Variants in UBA6 observed in about 807,000 individuals in gnomAD.
The protein encoded by UBA6 is ubiquitin like modifier activating enzyme 6, also known as ubiquitin-like modifier-activating enzyme 6.
Under a neutral mutation model 148.3 loss-of-function variants are expected in UBA6, and 87 were observed. The ratio of observed to expected loss-of-function variants is 0.59; its 90% CI spans 0.49 to 0.70. The LOEUF (loss-of-function observed/expected upper bound fraction) is 0.70, where lower values mean the gene tolerates loss of function less well. Among genes scored for constraint, UBA6 ranks in the 30% least tolerant of loss-of-function variants. The pLI is 0.00. For synonymous variants in UBA6, 376 were observed against 401.0 expected (o/e 0.94, Z 0.75); for missense variants, 1,186 against 1,241.2 (o/e 0.96, Z 0.67).
At chr4:67,663,330 TACTGTTATTAACTCTATTTA>T in intron 11 of UBA6, 115 bp from the exon 12 acceptor site, 1 of 653,716 alleles carries the variant, frequency 1.5e-6, no homozygotes, top group Non-Finnish European at 2.7e-6. Context: ...ATTAGCTTAA[TACTGTTATTAACTCTATTTA>T]ACAAATAAGA....
chr4:67,634,404 A>G (rs1466982739), intron 21 of UBA6, 25 bp downstream of exon 21: 12 of 1,561,708 alleles, frequency 7.7e-6, no homozygotes, highest in African/African-American at 2.8e-5. Context: ...CTTCAAAGAA[A>G]ATAAATTTAA....
intron 6 of UBA6, 38 bp from the exon 7 acceptor site, chr4:67,673,815 A>C: frequency 1.4e-6 from 2 of 1,449,346 alleles, no homozygotes; most frequent in Non-Finnish European, 1.9e-6. Flanking sequence ...TAGAAAATAC[A>C]TAATTATTTT....
chr4:67,622,198 T>TAGCTTTCTTTGG (rs1344396162), intron 32 of UBA6, among the ~76,000 whole-genome samples: 5 of 152,258 alleles, frequency 3.3e-5, no homozygotes, highest in Non-Finnish European at 7.3e-5. Context: ...ATAAAGACTT[T>TAGCTTTCTTTGG]AGCTTTCTTT....
intron 2 of UBA6, among the ~76,000 whole-genome samples, chr4:67,685,660 A>G (rs1730539859): frequency 6.6e-6 from 1 of 152,166 alleles, no homozygotes. Flanking sequence ...GGTGTTGCCT[A>G]GTGGGAGGTG....
At chr4:67,648,429 T>C (rs1232780915) in intron 14 of UBA6, among the ~76,000 whole-genome samples, 2 of 149,150 alleles carry the variant, frequency 1.3e-5, no homozygotes, top group African/African-American at 2.5e-5. Flanking sequence ...CATCGCGCCA[T>C]TGCACTCCAG....
chr4:67,686,910 C>T lies in UBA6; in HGVS notation c.135-4697G>A, dbSNP rs372541014. Among the ~76,000 whole-genome samples, 13 of 122,456 alleles carry T rather than the reference C, an allele frequency of 1.1e-4. No individual in the cohort carries two copies. In the East Asian group the frequency reaches 1.4e-3, roughly 13 times the overall value. The allele number at this position is 122,456 out of a possible 152,430, so 80.3% of individuals were successfully genotyped here. A position where few individuals can be genotyped will look rare whatever the true frequency, so the allele number is the denominator to read the frequency against. Reference sequence around the variant, plus strand: ...TTGAGGTTACAGAGAGCTATGATCACGCCACTGCCCCCAAGCCTGGGCAAC... The same window carrying T: ...TTGAGGTTACAGAGAGCTATGATCATGCCACTGCCCCCAAGCCTGGGCAAC... On this transcript the variant is annotated intron_variant, in intron 2 of 32. Transcript: ENST00000322244.
intron 27 of UBA6, among the ~76,000 whole-genome samples, chr4:67,627,897 C>T (rs985008403): frequency 2.0e-5 from 3 of 150,214 alleles, no homozygotes; most frequent in African/African-American, 7.3e-5. Flanking sequence ...ATTTACATTG[C>T]CTAAATTTCA....
At position 67,639,144 on chromosome 4, in the gene UBA6, A is replaced by C; in HGVS notation, c.1555-20T>G. ...AGGTTTCTAAACAAATAATATAAGC[A>C]GAAGGAATATGTTAAACAACAAAAA... On this transcript the variant is annotated intron_variant, in intron 18 of 32. Transcript: ENST00000322244. 2 of 1,586,640 alleles carry C rather than the reference A, an allele frequency of 1.3e-6. No individual in the cohort carries two copies. The highest frequency in any genetic ancestry group is 1.7e-6 in the Non-Finnish European group (2 of 1,164,876).
intron 6 of UBA6, among the ~76,000 whole-genome samples, chr4:67,676,151 G>A (rs937707251): frequency 6.6e-6 from 1 of 151,414 alleles, no homozygotes; most frequent in African/African-American, 2.4e-5. Flanking sequence ...AGCCTCCCGA[G>A]TAGCTGGGAT....
At chr4:67,631,127 G>A (rs947271108) in intron 25 of UBA6, among the ~76,000 whole-genome samples, 1 of 152,188 alleles carries the variant, frequency 6.6e-6, no homozygotes, top group Non-Finnish European at 1.5e-5. Flanking sequence ...TTGGGAAGCT[G>A]AGGTGCGAGG....
At chr4:67,650,178 T>C (rs1729518874) in intron 13 of UBA6, among the ~76,000 whole-genome samples, 1 of 152,202 alleles carries the variant, frequency 6.6e-6, no homozygotes, top group Non-Finnish European at 1.5e-5. Flanking sequence ...ATGATGAGAA[T>C]GATAATAACA....
chr4:67,644,122 C>G (rs1276588963), intron 17 of UBA6, among the ~76,000 whole-genome samples: 1 of 152,046 alleles, frequency 6.6e-6, no homozygotes, highest in Admixed American at 6.6e-5. Context: ...TCTATGAAAT[C>G]ACTAATGGAA....
intron 19 of UBA6, 69 bp from the exon 20 acceptor site, chr4:67,635,627 C>A (rs561012337): frequency 1.9e-5 from 18 of 931,120 alleles, no homozygotes; most frequent in African/African-American, 1.1e-4. Context: ...GGACAACCTA[C>A]AACTTTCTAT....
At position 67,648,926 on chromosome 4, in the gene UBA6, T is replaced by C. The variant is rs1362362550; in HGVS notation, c.1248+142A>G. 3.7e-6 allele frequency: 3 copies of C among 809,696 alleles called. No individual in the cohort carries two copies. The African/African-American group carries it at 5.2e-5, about 14-fold the overall frequency. The allele number at this position is 809,696 out of a possible 1,614,324, so 50.2% of individuals were successfully genotyped here. On this transcript the variant is annotated intron_variant, in intron 14 of 32. Transcript: ENST00000322244. ...TTAATTTCAATCATAGAATCAAGTG[T>C]TGGAGGCATACTGCTTGCATCTCTT...
At chr4:67,634,710 T>C (rs1729094100) in intron 20 of UBA6, among the ~76,000 whole-genome samples, 192 bp from the exon 21 acceptor site, 1 of 152,132 alleles carries the variant, frequency 6.6e-6, no homozygotes, top group South Asian at 2.1e-4. Context: ...TATTTGTTAA[T>C]AGCTATGTAA....
At chr4:67,648,382 C>T (rs941635107) in intron 14 of UBA6, among the ~76,000 whole-genome samples, 4 of 149,932 alleles carry the variant, frequency 2.7e-5, no homozygotes, top group African/African-American at 4.9e-5. Context: ...GCAGGAGAAT[C>T]GCGTGAACCC....
chr4:67,633,417 G>T lies in UBA6; in HGVS notation c.2070C>A (p.Ser690Arg). ...EGCFQVIKLL[S>R]RRPRNWSQCV... is the part of the protein sequence containing the mutation. ...ACTGGGACCAATTTCTAGGTCTTCT[G>T]CTAAGTAACTTTATAACTTGAAAAC... The change falls in exon 23 of 33, where the codon AGC becomes AGA. Residue 690 changes from serine to arginine, a missense_variant. Physicochemically the swap from Ser to Arg is moderately radical, Grantham distance 110. Transcript: ENST00000322244. 2 of 1,610,112 alleles carry T rather than the reference G, an allele frequency of 1.2e-6. No homozygotes were observed.
chr4:67,684,917 A>G (rs1481839036), intron 2 of UBA6, among the ~76,000 whole-genome samples: 1 of 152,158 alleles, frequency 6.6e-6, no homozygotes, highest in East Asian at 1.9e-4. Context: ...AATTTCTATT[A>G]TTATTCTCAT....
intron 9 of UBA6, among the ~76,000 whole-genome samples, chr4:67,667,811 T>C (rs1730044176): frequency 7.2e-5 from 11 of 152,208 alleles, no homozygotes; most frequent in Admixed American, 7.2e-4. Context: ...TTTCGGCACC[T>C]TTCATTTCCT....
Sources: gnomAD v4.1 joint callset for allele counts (sites outside exome capture counted in the v4.1 genomes callset) on GRCh38, gnomAD v4.1.1 for gene constraint, MANE v1.5 for transcripts, NCBI Gene and HGNC (gene_info 2026-07-23, HGNC 2026-07-21) for gene names.